The following GFPT1 variants were observed in gnomAD, a reference collection of about 807,000 sequenced individuals.
GFPT1 encodes the protein glutamine--fructose-6-phosphate aminotransferase [isomerizing] 1.
A neutral mutation model predicts 92.0 loss-of-function variants in GFPT1; 40 were observed. The observed-to-expected ratio is 0.43, with a 90% CI of 0.34 to 0.57. The LOEUF is 0.57. GFPT1 is among the 20% of genes least tolerant of loss of function. GFPT1 has a pLI of 0.02. For missense variants in GFPT1, 448 were observed against 869.1 expected (o/e 0.52, Z 6.09); for synonymous variants, 269 against 280.6 (o/e 0.96, Z 0.41).
intron 3 of GFPT1, among the ~76,000 whole-genome samples, chr2:69,367,668 C>T (rs1324821288): frequency 1.3e-5 from 2 of 152,100 alleles, no homozygotes; most frequent in Non-Finnish European, 2.9e-5. Context: ...GCACACACAA[C>T]TTATTATATC....
At chr2:69,364,225 A>G (rs1671553109) in intron 3 of GFPT1, among the ~76,000 whole-genome samples, 1 of 152,170 alleles carries the variant, frequency 6.6e-6, no homozygotes. Context: ...AAAAATAAAG[A>G]TAAATAAAGA....
At chr2:69,378,483 T>A (rs896408234) in intron 1 of GFPT1, among the ~76,000 whole-genome samples, 6 of 152,224 alleles carry the variant, frequency 3.9e-5, no homozygotes, top group East Asian at 1.9e-4. Flanking sequence ...GGAATATACT[T>A]GGAATAAAAT....
chr2:69,360,467 T>C (rs1393396236), intron 4 of GFPT1, among the ~76,000 whole-genome samples: 1 of 147,546 alleles, frequency 6.8e-6, no homozygotes, highest in East Asian at 2.0e-4. Flanking sequence ...GGAGACACGA[T>C]GTTGCTCTGT....
At chr2:69,333,502 C>T (rs1303064978) in intron 15 of GFPT1, among the ~76,000 whole-genome samples, 1 of 152,214 alleles carries the variant, frequency 6.6e-6, no homozygotes, top group African/African-American at 2.4e-5. Flanking sequence ...CTATACCCTA[C>T]ATTCAGAATC....
At position 69,379,806 on chromosome 2, in the gene GFPT1, G is replaced by A. The variant is rs1228792630; in HGVS notation, c.8-5693C>T. On this transcript the variant is annotated intron_variant, in intron 1 of 19. Coordinates refer to ENST00000357308, the MANE Select transcript of GFPT1 (RefSeq NM_001244710.2). Reference sequence around the variant, plus strand: ...ATGCGATCTTGGCTCACTGCAACCTGTCTCCCAGGTTCAAGCAATTCTCCT... The same window carrying A: ...ATGCGATCTTGGCTCACTGCAACCTATCTCCCAGGTTCAAGCAATTCTCCT... Among the ~76,000 whole-genome samples, 3 of 152,046 alleles carry A rather than the reference G, an allele frequency of 2.0e-5. No homozygotes were observed. In the South Asian group the frequency reaches 6.2e-4, roughly 32 times the overall value.
intron 1 of GFPT1, among the ~76,000 whole-genome samples, chr2:69,379,480 A>G (rs931242316): frequency 9.2e-5 from 14 of 152,132 alleles, no homozygotes; most frequent in Non-Finnish European, 1.8e-4. Context: ...TCAATATTAT[A>G]ATTATGGAAT....
At chr2:69,365,816 A>AT (rs577373382) in intron 3 of GFPT1, among the ~76,000 whole-genome samples, 16 of 150,242 alleles carry the variant, frequency 1.1e-4, no homozygotes, top group South Asian at 6.3e-4. Flanking sequence ...TACTTTTTTT[A>AT]TTTTTTTTTT....
At chr2:69,348,443 T>C in intron 10 of GFPT1, 109 bp from the exon 11 acceptor site, 1 of 898,004 alleles carries the variant, frequency 1.1e-6, no homozygotes, top group Non-Finnish European at 1.8e-6. Context: ...TCTATCACTC[T>C]GCAGTATCTC....
chr2:69,386,608 C>G (rs569576312), intron 1 of GFPT1, among the ~76,000 whole-genome samples: 1 of 152,140 alleles, frequency 6.6e-6, no homozygotes. Context: ...TATTGGGCCT[C>G]CCCAGAAACA....
rs1426022045 is a variant in GFPT1, at chr2:69,369,999, ACTGTGAACTT to A, written c.215_223+1del. The stretch of plus-strand genomic sequence containing the variant: ...GGACAAAAATCAAATTAAGTACGTT[ACTGTGAACTT>A]CTTCATCCAGTGCCTTAACTTTTCC... On this transcript the variant is annotated splice_donor_variant and coding_sequence_variant, in exon 3 of 20. Coordinates refer to ENST00000357308, the MANE Select transcript of GFPT1 (RefSeq NM_001244710.2). LOFTEE classifies it high-confidence loss of function. 6.7e-7 allele frequency: 1 copy of A among 1,492,856 alleles called. No homozygotes were observed. Among genetic ancestry groups the A allele is most frequent in the Non-Finnish European group, 9.4e-7 (1 of 1,069,320 alleles). The allele number at this position is 1,492,856 out of a possible 1,614,324, so 92.5% of individuals were successfully genotyped here.
In GFPT1 at chr2:69,320,159, A is replaced by G. The variant is rs1163661540; in HGVS notation, c.*6030T>C. The G allele has an allele frequency of 6.6e-6, 1 of 152,248 alleles. No individual in the cohort carries two copies. Among genetic ancestry groups the G allele is most frequent in the Non-Finnish European group, 1.5e-5 (1 of 68,044 alleles). 9.4% of individuals were successfully genotyped at this position (152,248 alleles called of 1,614,324 possible). ...AAAAGGGAGCTACTGGCAGAAATAA[A>G]AACTAGTGATACTGATAACATCTAG... On this transcript the variant is annotated 3_prime_UTR_variant, in exon 20 of 20. Coordinates refer to ENST00000357308, the MANE Select transcript of GFPT1 (RefSeq NM_001244710.2).
In GFPT1 at chr2:69,326,234, C is replaced by T; in HGVS notation, c.2056-1G>A. The stretch of plus-strand genomic sequence containing the variant: ...TGGCAAGATTCCGTGGGAAATCAAC[C>T]TGCAAAAAGAAAAAAAAAAAAAGCA... On this transcript the variant is annotated splice_acceptor_variant, in intron 19 of 19. Coordinates refer to ENST00000357308, the MANE Select transcript of GFPT1 (RefSeq NM_001244710.2). LOFTEE classifies it high-confidence loss of function. 6.5e-7 allele frequency: 1 copy of T among 1,546,876 alleles called. No homozygotes were observed. The highest frequency in any genetic ancestry group is 8.7e-7 in the Non-Finnish European group (1 of 1,153,020).
intron 2 of GFPT1, among the ~76,000 whole-genome samples, chr2:69,373,313 G>GTGTAA (rs1671795920): frequency 6.6e-6 from 1 of 152,156 alleles, no homozygotes; most frequent in South Asian, 2.1e-4. Context: ...TTATGTTTAT[G>GTGTAA]TGTAATTTAT....
At chr2:69,378,496 C>T (rs767819924) in intron 1 of GFPT1, among the ~76,000 whole-genome samples, 2 of 152,212 alleles carry the variant, frequency 1.3e-5, no homozygotes, top group Non-Finnish European at 2.9e-5. Context: ...AATAAAATAA[C>T]TCCATAACTG....
intron 1 of GFPT1, among the ~76,000 whole-genome samples, chr2:69,374,549 G>A (rs993287792): frequency 1.2e-4 from 18 of 152,054 alleles, no homozygotes; most frequent in Non-Finnish European, 4.4e-5. Context: ...TCCTGACCTC[G>A]TGATCTGCCC....
intron 9 of GFPT1, among the ~76,000 whole-genome samples, chr2:69,350,487 G>T (rs1206273224): frequency 6.6e-6 from 1 of 151,694 alleles, no homozygotes; most frequent in Non-Finnish European, 1.5e-5. Flanking sequence ...ATATTAACCG[G>T]TTTTTTAAAT....
chr2:69,353,150 C>G (rs1671253265), intron 9 of GFPT1, among the ~76,000 whole-genome samples: 1 of 152,018 alleles, frequency 6.6e-6, no homozygotes, highest in Non-Finnish European at 1.5e-5. Flanking sequence ...GATCTCAGCA[C>G]TTTGGGAGGC....
At chr2:69,379,465 A>C (rs1383865149) in intron 1 of GFPT1, among the ~76,000 whole-genome samples, 2 of 152,146 alleles carry the variant, frequency 1.3e-5, no homozygotes, top group Non-Finnish European at 2.9e-5. Flanking sequence ...GTTGCAGTGA[A>C]CTAGTCAATA....
intron 11 of GFPT1, among the ~76,000 whole-genome samples, chr2:69,346,703 T>G (rs1446320865): frequency 6.6e-6 from 1 of 152,056 alleles, no homozygotes; most frequent in Non-Finnish European, 1.5e-5. Flanking sequence ...CATATATATA[T>G]ATAGAGTTAT....
Sources: allele counts gnomAD v4.1 joint callset (sites outside exome capture counted in the v4.1 genomes callset), GRCh38; gene constraint gnomAD v4.1.1; transcripts MANE v1.5; gene names NCBI Gene and HGNC (gene_info 2026-07-23, HGNC 2026-07-21).